The following CSNK1E variants were observed in gnomAD, a reference collection of about 807,000 sequenced individuals.
CSNK1E encodes the protein casein kinase I isoform epsilon.
Under a neutral mutation model 46.1 loss-of-function variants are expected in CSNK1E, and 17 were observed. That is an observed-to-expected ratio of 0.37 (90% confidence interval 0.25 to 0.55). The LOEUF is 0.55. Ranked by LOEUF, CSNK1E falls within the 20% of genes least tolerant of loss-of-function variation. CSNK1E has a pLI of 0.82. For synonymous variants in CSNK1E, 241 were observed against 242.6 expected (o/e 0.99, Z 0.06); for missense variants, 386 against 595.4 (o/e 0.65, Z 3.66).
chr22:38,297,648 C>T (rs1293371908), intron 7 of CSNK1E: 5 of 991,898 alleles, frequency 5.0e-6, no homozygotes, highest in East Asian at 1.1e-4. Flanking sequence ...ACACAGAGGC[C>T]GCCAACGGGG....
chr22:38,313,891 G>C (rs1368193316), intron 2 of CSNK1E, among the ~76,000 whole-genome samples, 191 bp downstream of exon 2: 1 of 152,236 alleles, frequency 6.6e-6, no homozygotes, highest in Non-Finnish European at 1.5e-5. Flanking sequence ...TGCCCAGCCT[G>C]GCCTGCGAGA....
chr22:38,298,200 C>T lies in CSNK1E; in HGVS notation c.885+586G>A. On this transcript the variant is annotated intron_variant, in intron 7 of 10. Coordinates refer to ENST00000396832, the MANE Select transcript of CSNK1E (RefSeq NM_152221.3). This position sits in a 1 kb window ranked among gnomAD's most constrained non-coding sequence, Gnocchi z 4.2. ...CGGGGCTGAGCCTGGCTCGAGGAAG[C>T]CCCCTTTTCCAGAAGAGATGTGAAA... 1 of 1,303,726 alleles carries T rather than the reference C, an allele frequency of 7.7e-7. No individual in the cohort carries two copies. Among genetic ancestry groups the T allele is most frequent in the South Asian group, 1.2e-5 (1 of 80,994 alleles). 80.8% of individuals were successfully genotyped at this position (1,303,726 alleles called of 1,614,324 possible).
chr22:38,297,121 T>C (rs377232335), intron 7 of CSNK1E: 11 of 778,784 alleles, frequency 1.4e-5, no homozygotes, highest in African/African-American at 8.5e-5. Flanking sequence ...ATGTGTCGCA[T>C]GTGGCCAATG....
chr22:38,316,315 A>G (rs2092745532), intron 1 of CSNK1E, among the ~76,000 whole-genome samples: 1 of 152,192 alleles, frequency 6.6e-6, no homozygotes, highest in Non-Finnish European at 1.5e-5. Flanking sequence ...ACGAAGGCAA[A>G]GGAGACCCAA....
chr22:38,297,274 G>T, intron 7 of CSNK1E: 1 of 650,216 alleles, frequency 1.5e-6, no homozygotes. Flanking sequence ...ATGCCCTGTG[G>T]TGGAAAGAGC....
At chr22:38,304,760 C>T (rs1239141608) in intron 2 of CSNK1E, among the ~76,000 whole-genome samples, 2 of 152,178 alleles carry the variant, frequency 1.3e-5, no homozygotes, top group East Asian at 1.9e-4. Flanking sequence ...CTCCATGCGG[C>T]GGAATATTAT....
At chr22:38,315,354 C>G (rs535100219) in intron 1 of CSNK1E, among the ~76,000 whole-genome samples, 1 of 152,240 alleles carries the variant, frequency 6.6e-6, no homozygotes, top group Non-Finnish European at 1.5e-5. Context: ...CAGGGAACCC[C>G]GGCACCTGGC....
rs10701317 is a variant in CSNK1E at position 38,305,467 on chromosome 22, A to AAAAAAAAG, written c.77-2220_77-2219insCTTTTTTT. Reference sequence around the variant, plus strand: ...AAAAAAAAGCTCCTTCCTCTCCAAAAAAAAAAGAATCCCTTCTGCATGGCA... The same window carrying AAAAAAAAG: ...AAAAAAAAGCTCCTTCCTCTCCAAAAAAAAAAAGAAAAAAGAATCCCTTCTGCATGGCA... On this transcript the variant is annotated intron_variant, in intron 2 of 10. Coordinates refer to ENST00000396832, the MANE Select transcript of CSNK1E (RefSeq NM_152221.3). 1.4e-3 allele frequency among the ~76,000 whole-genome samples: 196 copies of AAAAAAAAG among 135,800 alleles called. 1 individual carries two copies. The highest frequency in any genetic ancestry group is 6.5e-3 in the Admixed American group (88 of 13,442). 89.1% of individuals were successfully genotyped at this position (135,800 alleles called of 152,430 possible).
At chr22:38,292,576 T>A (rs1339232464) in intron 10 of CSNK1E, 2 of 152,494 alleles carry the variant, frequency 1.3e-5, no homozygotes, top group African/African-American at 4.8e-5. Context: ...ATTGTCCCAG[T>A]GTAAAGTTGA....
At chr22:38,314,938 T>C (rs963866263) in intron 1 of CSNK1E, among the ~76,000 whole-genome samples, 2 of 152,160 alleles carry the variant, frequency 1.3e-5, no homozygotes, top group Non-Finnish European at 2.9e-5. Context: ...CCGGACACCC[T>C]GTTCCTGGTC....
intron 7 of CSNK1E, chr22:38,295,455 G>A (rs1602541514): frequency 1.0e-6 from 1 of 965,652 alleles, no homozygotes; most frequent in African/African-American, 1.8e-5. Context: ...CATCTGTGGA[G>A]GAGAGAGCTC....
rs369877655 is a variant in CSNK1E, at chr22:38,298,754, C to G, written c.885+32G>C. 3 of 1,613,032 alleles carry G rather than the reference C, an allele frequency of 1.9e-6. No homozygotes were observed. The highest frequency in any genetic ancestry group is 1.7e-6 in the Non-Finnish European group (2 of 1,179,670). ...AGTCAGGGCCTTCCCCATCCAGTCC[C>G]CCAAGCCCGCCTTGGCCTCCAGGTG... On this transcript the variant is annotated intron_variant, in intron 7 of 10. Coordinates refer to ENST00000396832, the MANE Select transcript of CSNK1E (RefSeq NM_152221.3). This position sits in a 1 kb window ranked among gnomAD's most constrained non-coding sequence, Gnocchi z 4.2.
rs1488093811 is a variant in CSNK1E at position 38,314,158 on chromosome 22, G to GGC, written c.-3_-2dup. ...ACTTGTTCCCCACACGTAGCTCCAT[G>GGC]GCTCACTCTTGCTGCAGAGGAAGCA... On this transcript the variant is annotated 5_prime_UTR_variant, in exon 2 of 11. Coordinates refer to ENST00000396832, the MANE Select transcript of CSNK1E (RefSeq NM_152221.3). 1 of 1,613,794 alleles carries GGC rather than the reference G, an allele frequency of 6.2e-7. No homozygotes were observed. Among genetic ancestry groups the GGC allele is most frequent in the Non-Finnish European group, 8.5e-7 (1 of 1,179,846 alleles).
chr22:38,297,913 C>T (rs1602544492), intron 7 of CSNK1E: 2 of 1,098,462 alleles, frequency 1.8e-6, no homozygotes, highest in African/African-American at 3.4e-5. Context: ...GTCCAGACCA[C>T]AGGCCAGTAG....
chr22:38,313,817 G>C (rs1211270248), intron 2 of CSNK1E, among the ~76,000 whole-genome samples: 1 of 152,198 alleles, frequency 6.6e-6, no homozygotes, highest in Non-Finnish European at 1.5e-5. Context: ...AGCTGACCCG[G>C]GACACTGAGG....
intron 9 of CSNK1E, 197 bp downstream of exon 9, chr22:38,293,912 G>A: frequency 1.6e-6 from 1 of 641,352 alleles, no homozygotes; most frequent in Admixed American, 3.0e-5. Flanking sequence ...CTGAGCCTTG[G>A]TGAATGACTT....
At chr22:38,313,738 CCTT>C (rs749322174) in intron 2 of CSNK1E, among the ~76,000 whole-genome samples, 1 of 152,206 alleles carries the variant, frequency 6.6e-6, no homozygotes, top group Non-Finnish European at 1.5e-5. Flanking sequence ...CTACCAATAT[CCTT>C]CTCCCAGGAA....
At chr22:38,317,463 A>G, upstream of CSNK1E, 1 of 110,254 alleles carries the variant, frequency 9.1e-6, no homozygotes, top group Non-Finnish European at 1.8e-5. Flanking sequence ...GCTCCCATTG[A>G]GCCCCGGGCC....
upstream of CSNK1E, among the ~76,000 whole-genome samples, chr22:38,317,675 C>CG (rs1415986130): frequency 2.1e-5 from 3 of 143,436 alleles, no homozygotes; most frequent in Non-Finnish European, 4.6e-5. Context: ...AGACGGGGTG[C>CG]GGGGGGGACA....
Sources: gnomAD v4.1 joint callset for allele counts (sites outside exome capture counted in the v4.1 genomes callset) on GRCh38, gnomAD v4.1.1 for gene constraint, Gnocchi (gnomAD v3.1) non-coding constraint, MANE v1.5 for transcripts, NCBI Gene and HGNC (gene_info 2026-07-23, HGNC 2026-07-21) for gene names.